The following UTRN variants were observed in gnomAD, a reference collection of about 807,000 sequenced individuals.
The protein encoded by UTRN is utrophin, also known as dystrophin-related protein 1.
A neutral mutation model predicts 463.9 loss-of-function variants in UTRN; 283 were observed. The observed-to-expected ratio is 0.61, with a 90% CI of 0.55 to 0.67. The LOEUF is 0.67. Ranked by LOEUF, UTRN falls within the 30% of genes least tolerant of loss-of-function variation. The pLI, the probability that UTRN is intolerant of heterozygous loss-of-function variation, is 0.00. For missense variants in UTRN, 3,922 were observed against 4,084.3 expected (o/e 0.96, Z 1.08); for synonymous variants, 1,442 against 1,431.5 (o/e 1.01, Z -0.17).
chr6:144,755,727 C>A (rs1445887752), intron 57 of UTRN, among the ~76,000 whole-genome samples: 1 of 151,958 alleles, frequency 6.6e-6, no homozygotes, highest in African/African-American at 2.4e-5. Context: ...AACTTTAAAA[C>A]TTAGGGCAAA....
chr6:144,508,547 C>T (rs758720416), intron 34 of UTRN, among the ~76,000 whole-genome samples: 10 of 152,174 alleles, frequency 6.6e-5, no homozygotes, highest in African/African-American at 1.7e-4. Context: ...CGACACCCTC[C>T]GTGGGCTGCA....
At chr6:144,534,856 T>A (rs895424463) in intron 43 of UTRN, among the ~76,000 whole-genome samples, 5 of 152,148 alleles carry the variant, frequency 3.3e-5, no homozygotes, top group African/African-American at 1.2e-4. Flanking sequence ...TTTATAGCAA[T>A]TTTCTATAAA....
Position 144,423,539 on chromosome 6 carries a change from T to C in UTRN, c.235-10T>C, listed in dbSNP as rs1329191894. ...ATCAGTTTTACTTGCTTTTTTGTTT[T>C]ATTTTCCAGCCAAAGGAACGTGGTT... On this transcript the variant is annotated splice_polypyrimidine_tract_variant and intron_variant, in intron 4 of 74. Transcript: ENST00000367545. The C allele has an allele frequency of 6.2e-7, 1 of 1,614,116 alleles. No homozygotes were observed. Among genetic ancestry groups the C allele is most frequent in the Non-Finnish European group, 8.5e-7 (1 of 1,180,008 alleles).
At position 144,535,615 on chromosome 6, in the gene UTRN, G is replaced by A. The variant is rs569681900; in HGVS notation, c.6234-1967G>A. 2.5e-4 allele frequency among the ~76,000 whole-genome samples: 38 copies of A among 152,174 alleles called. No homozygotes were observed. The South Asian group carries it at 5.4e-3, about 22-fold the overall frequency. ...ACAATATTTGTCTTTGTAAATTAAC[G>A]CTAAACTTCACCTTAGGTTGGTAGT... is the stretch of plus-strand genomic sequence containing the variant. On this transcript the variant is annotated intron_variant, in intron 43 of 74. Transcript: ENST00000367545.
intron 2 of UTRN, among the ~76,000 whole-genome samples, chr6:144,377,825 TC>T (rs1780594814): frequency 6.6e-6 from 1 of 152,204 alleles, no homozygotes; most frequent in African/African-American, 2.4e-5. Context: ...TCTTGGTTCT[TC>T]CATCAGTGAG....
At position 144,828,771 on chromosome 6, in the gene UTRN, C is replaced by T. The variant is rs539435238; in HGVS notation, c.9600-19C>T. 20 of 1,612,892 alleles carry T rather than the reference C, an allele frequency of 1.2e-5. No homozygotes were observed. The Admixed American group carries it at 2.0e-4, about 16-fold the overall frequency. ...CCTATATGGCCATGTTGTCTAACCTCCTTATTTTTATTTTGCAGACTGGCC... is the reference window on the plus strand; with the variant it reads ...CCTATATGGCCATGTTGTCTAACCTTCTTATTTTTATTTTGCAGACTGGCC... On this transcript the variant is annotated intron_variant, in intron 68 of 74. Coordinates refer to ENST00000367545, the MANE Select transcript of UTRN (RefSeq NM_007124.3).
chr6:144,840,874 T>C (rs1338600395), intron 73 of UTRN, 42 bp downstream of exon 73: 1 of 1,607,326 alleles, frequency 6.2e-7, no homozygotes, highest in Non-Finnish European at 8.5e-7. Context: ...CACGTGTTCC[T>C]TCCCTTTCTC....
rs114223066 is a variant in UTRN at position 144,383,788 on chromosome 6, A to T, written c.80-19335A>T. ...ATAGTGAGTTCCAGCAAATAGTTCT[A>T]TCTTAAATACCATGTCTAGAGGCAT... On this transcript the variant is annotated intron_variant, in intron 2 of 74. Transcript: ENST00000367545. Among the ~76,000 whole-genome samples the T allele has an allele frequency of 3.0e-3, 459 of 152,330 alleles. 2 individuals carry two copies. The highest frequency in any genetic ancestry group is 0.011 in the African/African-American group (448 of 41,576).
At chr6:144,532,542 G>T (rs777476954) in intron 42 of UTRN, among the ~76,000 whole-genome samples, 8 of 152,160 alleles carry the variant, frequency 5.3e-5, no homozygotes, top group Non-Finnish European at 1.0e-4. Flanking sequence ...CTCCCACTGG[G>T]TCCCTCCCTT....
chr6:144,744,754 A>G (rs1049794986), intron 54 of UTRN, among the ~76,000 whole-genome samples: 1 of 152,076 alleles, frequency 6.6e-6, no homozygotes, highest in African/African-American at 2.4e-5. Context: ...TGTCTCTAGC[A>G]TTAGCCTCTA....
chr6:144,364,046 G>T (rs769380193), intron 2 of UTRN, among the ~76,000 whole-genome samples: 3 of 152,218 alleles, frequency 2.0e-5, no homozygotes, highest in Non-Finnish European at 4.4e-5. Flanking sequence ...GGAGGTTATT[G>T]TAGTACCTTG....
chr6:144,693,631 G>A (rs1050049530), intron 52 of UTRN, among the ~76,000 whole-genome samples: 1 of 152,080 alleles, frequency 6.6e-6, no homozygotes, highest in Non-Finnish European at 1.5e-5. Context: ...ATACTCGTAA[G>A]TAATTTATTT....
intron 2 of UTRN, among the ~76,000 whole-genome samples, chr6:144,292,794 A>G (rs1804364449): frequency 6.6e-6 from 1 of 152,202 alleles, no homozygotes; most frequent in Non-Finnish European, 1.5e-5. Context: ...TAAAGACAAA[A>G]AAGGAACCCA....
intron 2 of UTRN, chr6:144,344,201 G>A (rs1186675721): frequency 1.5e-6 from 2 of 1,303,660 alleles, no homozygotes; most frequent in Admixed American, 4.6e-5. Flanking sequence ...CATCTAAGCA[G>A]ATGTAGGTGA....
At chr6:144,847,888 T>C (rs1286838221) in intron 74 of UTRN, among the ~76,000 whole-genome samples, 2 of 152,228 alleles carry the variant, frequency 1.3e-5, no homozygotes, top group East Asian at 3.8e-4. Context: ...CATTTTCTTA[T>C]CACATACTTT....
chr6:144,700,004 A>T, intron 52 of UTRN, 83 bp from the exon 53 acceptor site: 1 of 1,375,426 alleles, frequency 7.3e-7, no homozygotes, highest in Non-Finnish European at 9.6e-7. Flanking sequence ...TAAGATTATT[A>T]TGCTAAAGGA....
chr6:144,640,048 G>C (rs1376930828), intron 51 of UTRN, among the ~76,000 whole-genome samples: 1 of 148,640 alleles, frequency 6.7e-6, no homozygotes, highest in Non-Finnish European at 1.5e-5. Flanking sequence ...TTTTGGTTTT[G>C]AGAGAGAGAG....
At chr6:144,399,030 A>G (rs1477139117) in intron 2 of UTRN, among the ~76,000 whole-genome samples, 2 of 152,182 alleles carry the variant, frequency 1.3e-5, no homozygotes, top group East Asian at 1.9e-4. Context: ...AGTTTTGACA[A>G]TTCTGAAAAC....
At chr6:144,740,200 A>G (rs1789896152) in intron 54 of UTRN, among the ~76,000 whole-genome samples, 1 of 152,242 alleles carries the variant, frequency 6.6e-6, no homozygotes, top group South Asian at 2.1e-4. Context: ...GCCATAGTGT[A>G]CTATCTTAAA....
Sources: allele counts gnomAD v4.1 joint callset (sites outside exome capture counted in the v4.1 genomes callset), GRCh38; gene constraint gnomAD v4.1.1; transcripts MANE v1.5; gene names NCBI Gene and HGNC (gene_info 2026-07-23, HGNC 2026-07-21).